The following UROS variants were observed in gnomAD, a reference collection of about 807,000 sequenced individuals.
UROS encodes the protein uroporphyrinogen III synthase.
A neutral mutation model predicts 33.0 loss-of-function variants in UROS; 18 were observed. The ratio of observed to expected loss-of-function variants is 0.55; its 90% CI spans 0.38 to 0.81. The LOEUF (loss-of-function observed/expected upper bound fraction) is 0.81, where lower values mean the gene tolerates loss of function less well. Ranked by LOEUF, UROS falls within the 30% of genes least tolerant of loss-of-function variation. The pLI, the probability that UROS is intolerant of heterozygous loss-of-function variation, is 0.00. For synonymous variants in UROS, 114 were observed against 121.1 expected (o/e 0.94, Z 0.38); for missense variants, 293 against 314.9 (o/e 0.93, Z 0.53).
intron 9 of UROS, 90 bp downstream of exon 9, chr10:125,794,790 C>G (rs1258473308): frequency 7.9e-7 from 1 of 1,271,386 alleles, no homozygotes; most frequent in Non-Finnish European, 1.1e-6. Context: ...AGGGGTGTCT[C>G]ACTTGACATT....
At chr10:125,811,712 A>G (rs1219792251) in intron 5 of UROS, among the ~76,000 whole-genome samples, 4 of 151,970 alleles carry the variant, frequency 2.6e-5, no homozygotes, top group African/African-American at 7.2e-5. Context: ...AAAATGCTCA[A>G]TGTTAATTTT....
In UROS at chr10:125,816,187, A is replaced by G; in HGVS notation, c.137T>C (p.Phe46Ser). Residue 46 changes from phenylalanine (F) to serine (S), a missense_variant, in exon 3 of 10, where the codon TTC becomes TCC. Coordinates refer to ENST00000368797, the MANE Select transcript of UROS (RefSeq NM_000375.3). ...CACAACAGGCCTTACCTTCTCAGAGAAACTGGGAAGAGACAAAAACTCAAA... is the reference window on the plus strand; with the variant it reads ...CACAACAGGCCTTACCTTCTCAGAGGAACTGGGAAGAGACAAAAACTCAAA... The part of the protein sequence containing the change: ...LSFEFLSLPS[F>S]SEKLSHPEDY... 1 of 1,614,156 alleles carries G rather than the reference A, an allele frequency of 6.2e-7. No homozygotes were observed. Among genetic ancestry groups the G allele is most frequent in the Non-Finnish European group, 8.5e-7 (1 of 1,179,972 alleles).
At chr10:125,803,137 C>T (rs1487312515) in intron 6 of UROS, 1 of 1,450,720 alleles carries the variant, frequency 6.9e-7, no homozygotes, top group Non-Finnish European at 9.5e-7. Context: ...GGCTTGAGCC[C>T]CAGCCTACCA....
chr10:125,805,976 C>T (rs1852293188), intron 6 of UROS, among the ~76,000 whole-genome samples: 1 of 152,184 alleles, frequency 6.6e-6, no homozygotes, highest in Non-Finnish European at 1.5e-5. Context: ...CCTGACTGCT[C>T]ACTGCCGCCC....
chr10:125,794,381 G>A (rs2149019), intron 9 of UROS: 457,614 of 1,004,508 alleles, frequency 0.46, 105,303 homozygotes, highest in Non-Finnish European at 0.47. Context: ...GCCAGTTCAA[G>A]GGTGTTTCTA....
chr10:125,816,356 G>A, intron 2 of UROS, 81 bp downstream of exon 2: 1 of 1,605,586 alleles, frequency 6.2e-7, no homozygotes, highest in Non-Finnish European at 8.5e-7. Flanking sequence ...CTGAGGTTTT[G>A]CAAAACCCAT....
Position 125,788,846 on chromosome 10 carries a change from G to C in UROS, c.*22C>G, listed in dbSNP as rs1850717006. 6.4e-7 allele frequency: 1 copy of C among 1,567,322 alleles called. No individual in the cohort carries two copies. The highest frequency in any genetic ancestry group is 8.6e-7 in the Non-Finnish European group (1 of 1,157,768). On this transcript the variant is annotated 3_prime_UTR_variant, in exon 10 of 10. Coordinates refer to ENST00000368797, the MANE Select transcript of UROS (RefSeq NM_000375.3). ...CAGCCCAGCCCAGGGAGGCTGCATG[G>C]GGCCAGCGCTAGGTGGCTGACTCAG...
At chr10:125,798,015 C>T in intron 7 of UROS, 50 bp downstream of exon 7, 1 of 1,604,920 alleles carries the variant, frequency 6.2e-7, no homozygotes, top group Non-Finnish European at 8.5e-7. Context: ...TGCAAAGGCT[C>T]CTGGTGGATC....
chr10:125,804,903 C>T (rs924539750), intron 6 of UROS, among the ~76,000 whole-genome samples: 3 of 152,224 alleles, frequency 2.0e-5, no homozygotes, highest in African/African-American at 7.2e-5. Flanking sequence ...TTCCAGAAGA[C>T]AGGAATGGAG....
In UROS at chr10:125,805,833, C is replaced by A. The variant is rs186292333; in HGVS notation, c.394+1580G>T. Among the ~76,000 whole-genome samples the A allele has an allele frequency of 2.4e-4, 37 of 152,080 alleles. 1 individual carries two copies. The highest frequency in any genetic ancestry group is 8.7e-4 in the African/African-American group (36 of 41,444). ...GCACTCAGTAAATGCTAGTCTTCAA[C>A]GTTAACACCGAGCATGTAGTGACTC... On this transcript the variant is annotated intron_variant, in intron 6 of 9. Coordinates refer to ENST00000368797, the MANE Select transcript of UROS (RefSeq NM_000375.3).
At chr10:125,817,834 T>C (rs1340339033) in intron 1 of UROS, among the ~76,000 whole-genome samples, 1 of 152,162 alleles carries the variant, frequency 6.6e-6, no homozygotes, top group African/African-American at 2.4e-5. Context: ...CGCTATATTA[T>C]GCCTCACATA....
intron 9 of UROS, chr10:125,791,958 G>GCCCA (rs1850964658): frequency 6.6e-6 from 1 of 152,114 alleles, no homozygotes; most frequent in African/African-American, 2.4e-5. Flanking sequence ...ATTGGGCTGG[G>GCCCA]CGTGGTGGCT....
chr10:125,816,478 C>T lies in UROS; in HGVS notation c.22G>A (p.Asp8Asn), dbSNP rs558929395. ...TGGCCACAGTCATCTTCCTTCGCAT[C>T]CTTCAGTAAAAGAACCTTCATTATT... MKVLLLK[D>N]AKEDDCGQDP... The change falls in exon 2 of 10, where the codon GAT becomes AAT. Residue 8 changes from aspartate (D) to asparagine (N), a missense_variant. Physicochemically the swap from Asp to Asn is conservative, Grantham distance 23. Coordinates refer to ENST00000368797, the MANE Select transcript of UROS (RefSeq NM_000375.3). The T allele has an allele frequency of 1.9e-4, 308 of 1,614,184 alleles. 3 individuals are homozygous for T. In the South Asian group the frequency reaches 3.2e-3, roughly 17 times the overall value.
intron 7 of UROS, among the ~76,000 whole-genome samples, chr10:125,797,539 C>T (rs143554813): frequency 9.2e-5 from 14 of 152,260 alleles, no homozygotes; most frequent in East Asian, 5.8e-4. Context: ...GCAAAAGGTG[C>T]GCAGGTGACA....
chr10:125,790,351 A>G (rs575393351), intron 9 of UROS, among the ~76,000 whole-genome samples: 3 of 152,372 alleles, frequency 2.0e-5, no homozygotes, highest in African/African-American at 7.2e-5. Flanking sequence ...GTAAATCTTC[A>G]AAACACTGAA....
At chr10:125,803,472 G>A (rs937487573) in intron 6 of UROS, among the ~76,000 whole-genome samples, 4 of 152,198 alleles carry the variant, frequency 2.6e-5, no homozygotes, top group African/African-American at 4.8e-5. Context: ...CTTAGACTGC[G>A]ATGGCTCTGT....
intron 4 of UROS, among the ~76,000 whole-genome samples, chr10:125,813,836 T>G (rs1401587818): frequency 1.3e-5 from 2 of 152,222 alleles, no homozygotes; most frequent in African/African-American, 4.8e-5. Context: ...AATGTGTGTA[T>G]GAAATCACCA....
chr10:125,786,655 G>A (rs1850640428), downstream of UROS, among the ~76,000 whole-genome samples: 1 of 152,114 alleles, frequency 6.6e-6, no homozygotes, highest in Admixed American at 6.5e-5. Context: ...TTGTATCTTT[G>A]AAGAAAAGCC....
intron 9 of UROS, among the ~76,000 whole-genome samples, chr10:125,791,231 C>T (rs1175943794): frequency 1.3e-5 from 2 of 151,980 alleles, no homozygotes; most frequent in Non-Finnish European, 2.9e-5. Flanking sequence ...CTAACAAACA[C>T]ATAAAAAGAT....
Sources: gnomAD v4.1 joint callset for allele counts (sites outside exome capture counted in the v4.1 genomes callset) on GRCh38, gnomAD v4.1.1 for gene constraint, MANE v1.5 for transcripts, NCBI Gene and HGNC (gene_info 2026-07-23, HGNC 2026-07-21) for gene names.